MIR2052HG: variants seen among roughly 807,000 people sequenced by gnomAD.
The protein encoded by MIR2052HG is MIR2052 host gene.
At chr8:74,629,915 C>T (rs1043937847) in intron 2 of MIR2052HG, among the ~76,000 whole-genome samples, 1 of 152,180 alleles carries the variant, frequency 6.6e-6, no homozygotes, top group Non-Finnish European at 1.5e-5. Context: ...CTTCTGATGT[C>T]CTCATGACTC....
chr8:74,698,231 A>G (rs1809320297), intron 2 of MIR2052HG, among the ~76,000 whole-genome samples: 1 of 151,990 alleles, frequency 6.6e-6, no homozygotes, highest in African/African-American at 2.4e-5. Flanking sequence ...TATCTTTAAC[A>G]ATACAAACAA....
intron 2 of MIR2052HG, among the ~76,000 whole-genome samples, chr8:74,660,161 G>T (rs1259587533): frequency 6.6e-6 from 1 of 152,112 alleles, no homozygotes; most frequent in Non-Finnish European, 1.5e-5. Flanking sequence ...TTTGCTCATG[G>T]CTCTTCTCGG....
chr8:74,737,383 T>C (rs73339299), intron 4 of MIR2052HG, among the ~76,000 whole-genome samples: 16,493 of 152,150 alleles, frequency 0.11, 2,040 homozygotes, highest in African/African-American at 0.31. Context: ...CTTGGGCCTG[T>C]TCCCACACTG....
intron 4 of MIR2052HG, among the ~76,000 whole-genome samples, chr8:74,737,105 G>A (rs1354316215): frequency 6.6e-6 from 1 of 152,158 alleles, no homozygotes; most frequent in East Asian, 1.9e-4. Context: ...GACTAATTGC[G>A]GGTGGAATCT....
At chr8:74,650,753 G>T (rs1808743127) in intron 2 of MIR2052HG, among the ~76,000 whole-genome samples, 2 of 152,118 alleles carry the variant, frequency 1.3e-5, no homozygotes, top group Admixed American at 6.6e-5. Flanking sequence ...GAAGTTTTAA[G>T]TCACAGGTTA....
intron 4 of MIR2052HG, among the ~76,000 whole-genome samples, chr8:74,731,696 T>G (rs1252331411): frequency 1.3e-5 from 2 of 152,120 alleles, no homozygotes; most frequent in African/African-American, 2.4e-5. Flanking sequence ...ATTTATTAAG[T>G]TGGAGACCCC....
rs146916066 is a variant in MIR2052HG at position 74,672,686 on chromosome 8, C to T, written n.217-29693C>T. Reference sequence around the variant, plus strand: ...GCAAGTTCATAAAAATGTCACTTTCCTATCACAGAAGGTCCTTTTAGACAC... The same window carrying T: ...GCAAGTTCATAAAAATGTCACTTTCTTATCACAGAAGGTCCTTTTAGACAC... On this transcript the variant is annotated intron_variant and non_coding_transcript_variant, in intron 2 of 6. Coordinates refer to ENST00000523442, the Ensembl canonical transcript of MIR2052HG. Among the ~76,000 whole-genome samples the T allele has an allele frequency of 4.0e-3, 606 of 152,126 alleles. 5 individuals carry two copies. Among genetic ancestry groups the T allele is most frequent in the African/African-American group, 0.014 (571 of 41,542 alleles).
intron 2 of MIR2052HG, among the ~76,000 whole-genome samples, chr8:74,624,305 T>G (rs1251909249): frequency 2.0e-5 from 3 of 152,240 alleles, no homozygotes; most frequent in African/African-American, 7.2e-5. Flanking sequence ...TTATGTCACT[T>G]TGTCTAAAGT....
At chr8:74,711,105 T>C (rs1809464055) in intron 4 of MIR2052HG, among the ~76,000 whole-genome samples, 1 of 152,186 alleles carries the variant, frequency 6.6e-6, no homozygotes, top group South Asian at 2.1e-4. Flanking sequence ...TATGCATTGT[T>C]CATTATCCAA....
chr8:74,602,573 G>A (rs1457348384), intron 1 of MIR2052HG, among the ~76,000 whole-genome samples: 8 of 150,474 alleles, frequency 5.3e-5, no homozygotes, highest in African/African-American at 2.0e-4. Flanking sequence ...GTGCAGTGGC[G>A]CGATCTCGGC....
chr8:74,623,003 A>G (rs1380794222), intron 2 of MIR2052HG, among the ~76,000 whole-genome samples: 3 of 152,152 alleles, frequency 2.0e-5, no homozygotes, highest in Non-Finnish European at 4.4e-5. Context: ...AGGGCAGGGT[A>G]TTGGGTAGAT....
intron 2 of MIR2052HG, among the ~76,000 whole-genome samples, chr8:74,651,863 T>G (rs1407873221): frequency 6.6e-6 from 1 of 152,154 alleles, no homozygotes; most frequent in African/African-American, 2.4e-5. Flanking sequence ...AAGTGTGGAC[T>G]CAAACTTTCT....
chr8:74,675,847 C>T (rs890953024), intron 2 of MIR2052HG, among the ~76,000 whole-genome samples: 9 of 151,898 alleles, frequency 5.9e-5, no homozygotes, highest in African/African-American at 2.2e-4. Context: ...CTCCTACATG[C>T]GCAATCCGTC....
At chr8:74,743,689 G>A (rs1809854411) in intron 4 of MIR2052HG, among the ~76,000 whole-genome samples, 1 of 152,086 alleles carries the variant, frequency 6.6e-6, no homozygotes, top group Admixed American at 6.6e-5. Context: ...GCTGATGTAG[G>A]CTCTACATTT....
At chr8:74,670,316 A>T (rs1417986315) in intron 2 of MIR2052HG, among the ~76,000 whole-genome samples, 1 of 146,002 alleles carries the variant, frequency 6.8e-6, no homozygotes, top group Non-Finnish European at 1.5e-5. Flanking sequence ...GTTGCCTCAA[A>T]AATTATTTAA....
chr8:74,737,053 T>C (rs904122325), intron 4 of MIR2052HG, among the ~76,000 whole-genome samples: 1 of 152,204 alleles, frequency 6.6e-6, no homozygotes, highest in Non-Finnish European at 1.5e-5. Context: ...TCCCCCACCT[T>C]TTCTGCGCGC....
At chr8:74,701,930 C>T (rs1194183790) in intron 2 of MIR2052HG, among the ~76,000 whole-genome samples, 13 of 152,090 alleles carry the variant, frequency 8.5e-5, no homozygotes, top group Admixed American at 7.9e-4. Context: ...CTAATTACCA[C>T]TTGTGGTTAC....
rs72667560 is a variant in MIR2052HG, at chr8:74,607,781, G to A, written n.129-5072G>A. Among the ~76,000 whole-genome samples the A allele has an allele frequency of 4.4e-3, 668 of 152,228 alleles. 3 individuals are homozygous for A. Among genetic ancestry groups the A allele is most frequent in the Non-Finnish European group, 7.9e-3 (538 of 68,006 alleles). On this transcript the variant is annotated intron_variant and non_coding_transcript_variant, in intron 1 of 6. Coordinates refer to ENST00000523442, the Ensembl canonical transcript of MIR2052HG. Reference sequence around the variant, plus strand: ...GTTCAATTAATAAGAGCAAAGTCTGGTATAAAGAAAGTGACTCTTTATTAC... The same window carrying A: ...GTTCAATTAATAAGAGCAAAGTCTGATATAAAGAAAGTGACTCTTTATTAC...
intron 4 of MIR2052HG, among the ~76,000 whole-genome samples, chr8:74,728,130 A>G (rs868233508): frequency 6.6e-6 from 1 of 152,268 alleles, no homozygotes; most frequent in African/African-American, 2.4e-5. Context: ...AATAGTGCAC[A>G]TCATACTTGG....
Sources: allele counts gnomAD v4.1 joint callset (sites outside exome capture counted in the v4.1 genomes callset), GRCh38; gene constraint gnomAD v4.1.1; transcripts MANE v1.5; gene names NCBI Gene and HGNC (gene_info 2026-07-23, HGNC 2026-07-21).